The following ZNF622 variants were observed in gnomAD, a reference collection of about 807,000 sequenced individuals.
ZNF622 encodes zinc finger protein 622, also known as cytoplasmic 60S subunit biogenesis factor ZNF622.
Under a neutral mutation model 49.7 loss-of-function variants are expected in ZNF622, and 34 were observed. The ratio of observed to expected loss-of-function variants is 0.68; its 90% CI spans 0.52 to 0.91. The LOEUF (loss-of-function observed/expected upper bound fraction) is 0.91, where lower values mean the gene tolerates loss of function less well. Ranked by LOEUF, ZNF622 falls within the 40% of genes least tolerant of loss-of-function variation. The pLI is 0.00. For synonymous variants in ZNF622, 209 were observed against 228.7 expected, an observed-to-expected ratio of 0.91 and a Z score of 0.78; for missense variants, 569 against 616.4, an observed-to-expected ratio of 0.92 and a Z score of 0.81.
intron 3 of ZNF622, among the ~76,000 whole-genome samples, chr5:16,461,410 T>C (rs867969173): frequency 1.3e-5 from 2 of 152,226 alleles, no homozygotes; most frequent in South Asian, 4.1e-4. Context: ...GAATAGAACA[T>C]AGTGGGTAGT....
intron 5 of ZNF622, 77 bp downstream of exon 5, chr5:16,452,936 A>G (rs1453580533): frequency 1.5e-6 from 2 of 1,320,046 alleles, no homozygotes; most frequent in African/African-American, 3.0e-5. Context: ...GACAACATAA[A>G]TGGAAACAAC....
At chr5:16,452,944 A>G in intron 5 of ZNF622, 69 bp downstream of exon 5, 1 of 1,328,010 alleles carries the variant, frequency 7.5e-7, no homozygotes, top group South Asian at 2.7e-5. Context: ...AAATGGAAAC[A>G]ACTTTCCCCA....
Position 16,460,034 on chromosome 5 carries a change from G to C in ZNF622, c.1050-1405C>G, listed in dbSNP as rs141799514. Among the ~76,000 whole-genome samples the C allele has an allele frequency of 1.1e-3, 166 of 152,176 alleles. 1 individual carries two copies. Among genetic ancestry groups the C allele is most frequent in the African/African-American group, 3.8e-3 (159 of 41,506 alleles). ...GGTATCCATGGGGGATTGCTTCCAG[G>C]ACCTCCCTAGGATACTAAAATTTGC... On this transcript the variant is annotated intron_variant, in intron 3 of 5. Transcript: ENST00000308683.
chr5:16,459,978 A>C (rs1738097961), intron 3 of ZNF622, among the ~76,000 whole-genome samples: 1 of 152,188 alleles, frequency 6.6e-6, no homozygotes, highest in Non-Finnish European at 1.5e-5. Context: ...CACTACACTG[A>C]ATCATGATAT....
intron 4 of ZNF622, among the ~76,000 whole-genome samples, chr5:16,458,121 T>C (rs1005300460): frequency 3.3e-5 from 5 of 151,772 alleles, no homozygotes; most frequent in African/African-American, 4.8e-5. Flanking sequence ...CAAACTACCA[T>C]TTGGAAGTCT....
Position 16,458,610 on chromosome 5 carries a change from T to C in ZNF622, c.1069A>G (p.Lys357Glu). Residue 357 changes from lysine to glutamate, a missense_variant, in exon 4 of 6, where the codon AAG becomes GAG. Transcript: ENST00000308683. Reference sequence around the variant, plus strand: ...GCCTTATTGGGGTCCTCCCCTTCCTTGTGATCTGGATAGCTACTCCTATAA... The same window carrying C: ...GCCTTATTGGGGTCCTCCCCTTCCTCGTGATCTGGATAGCTACTCCTATAA... Reference protein sequence around the residue: ...YDFRSSYPDHKEGEDPNKAEE... With the variant: ...YDFRSSYPDHEEGEDPNKAEE... The C allele has an allele frequency of 6.2e-7, 1 of 1,612,988 alleles. No homozygotes were observed. Among genetic ancestry groups the C allele is most frequent in the Non-Finnish European group, 8.5e-7 (1 of 1,179,178 alleles).
At chr5:16,456,369 A>G (rs16868622) in intron 4 of ZNF622, among the ~76,000 whole-genome samples, 3,843 of 152,290 alleles carry the variant, frequency 0.025, 160 homozygotes, top group African/African-American at 0.088. Flanking sequence ...AGGAAACCCA[A>G]AAAAACCTTG....
In ZNF622 at chr5:16,465,233, T is replaced by TG; in HGVS notation, c.432dup (p.Lys145GlnfsTer31). 6.2e-7 allele frequency: 1 copy of TG among 1,614,198 alleles called. No individual in the cohort carries two copies. Among genetic ancestry groups the TG allele is most frequent in the Non-Finnish European group, 8.5e-7 (1 of 1,180,028 alleles). On this transcript the variant is annotated frameshift_variant, in exon 1 of 6. Transcript: ENST00000308683. LOFTEE classifies it high-confidence loss of function. The surrounding 1 kb of genome is among the most constrained non-coding windows in gnomAD (Gnocchi z 6.2). Reference sequence around the variant, plus strand: ...TTTGCAGGCGCTGGGGGCGCCTTCTTGGGAGACATGGACGGCTGGGCCTTG... The same window carrying TG: ...TTTGCAGGCGCTGGGGGCGCCTTCTTGGGGAGACATGGACGGCTGGGCCTTG...
chr5:16,464,632 C>A (rs961397162), intron 1 of ZNF622, among the ~76,000 whole-genome samples: 1 of 152,060 alleles, frequency 6.6e-6, no homozygotes, highest in Non-Finnish European at 1.5e-5. Flanking sequence ...GGTTTTGATC[C>A]CCTCATTCTG....
At chr5:16,462,350 A>G (rs902080779) in intron 3 of ZNF622, among the ~76,000 whole-genome samples, 1 of 152,196 alleles carries the variant, frequency 6.6e-6, no homozygotes, top group Non-Finnish European at 1.5e-5. Context: ...TTGCTAAATG[A>G]CATACAAAAA....
In ZNF622 at chr5:16,461,204, A is replaced by C. The variant is rs540894556; in HGVS notation, c.1049+1904T>G. On this transcript the variant is annotated intron_variant, in intron 3 of 5. Coordinates refer to ENST00000308683, the MANE Select transcript of ZNF622 (RefSeq NM_033414.3). ...TCTTGAGAAACACACTTGATGCATT[A>C]GAGGAATAGTTAGGAATCCAGAGAG... 1.3e-4 allele frequency among the ~76,000 whole-genome samples: 20 copies of C among 152,384 alleles called. No homozygotes were observed. In the East Asian group the frequency reaches 3.7e-3, roughly 28 times the overall value.
At chr5:16,460,523 T>C (rs72742297) in intron 3 of ZNF622, among the ~76,000 whole-genome samples, 1,854 of 152,238 alleles carry the variant, frequency 0.012, 14 homozygotes, top group Non-Finnish European at 0.019. Context: ...TGTAAAGGCT[T>C]TCTATTTTCC....
At chr5:16,456,191 T>G (rs529276088) in intron 4 of ZNF622, among the ~76,000 whole-genome samples, 1 of 152,230 alleles carries the variant, frequency 6.6e-6, no homozygotes, top group South Asian at 2.1e-4. Context: ...TTGTGACTCT[T>G]GACTTCCTGG....
At position 16,463,964 on chromosome 5, in the gene ZNF622, G is replaced by T. The variant is rs1397107098; in HGVS notation, c.626-222C>A. ...TTAGTCTTTCTTTTCCAGGAAACAGGAATCTTTTCTTTGTTTCTTTCCTAT... is the reference window on the plus strand; with the variant it reads ...TTAGTCTTTCTTTTCCAGGAAACAGTAATCTTTTCTTTGTTTCTTTCCTAT... On this transcript the variant is annotated intron_variant, in intron 1 of 5. Coordinates refer to ENST00000308683, the MANE Select transcript of ZNF622 (RefSeq NM_033414.3). This position sits in a 1 kb window ranked among gnomAD's most constrained non-coding sequence, Gnocchi z 4.2. Among the ~76,000 whole-genome samples, 1 of 152,150 alleles carries T rather than the reference G, an allele frequency of 6.6e-6. No individual in the cohort carries two copies. Among genetic ancestry groups the T allele is most frequent in the Non-Finnish European group, 1.5e-5 (1 of 68,020 alleles).
At chr5:16,464,438 A>AT (rs1421232292) in intron 1 of ZNF622, among the ~76,000 whole-genome samples, 2 of 152,210 alleles carry the variant, frequency 1.3e-5, no homozygotes, top group Non-Finnish European at 2.9e-5. Flanking sequence ...GGGAAAATAC[A>AT]TTTATGTTGT....
At position 16,465,428 on chromosome 5, in the gene ZNF622, T is replaced by G; in HGVS notation, c.238A>C (p.Asn80His). Residue 80 changes from asparagine to histidine, a missense_variant, in exon 1 of 6, where the codon AAC (asparagine) becomes CAC (histidine). By Grantham distance (68) the Asn-to-His change is moderately conservative (BLOSUM62 1). Coordinates refer to ENST00000308683, the MANE Select transcript of ZNF622 (RefSeq NM_033414.3). The surrounding 1 kb of genome is among the most constrained non-coding windows in gnomAD (Gnocchi z 6.2). Reference sequence around the variant, plus strand: ...GACTTGAGGTGGTTCTCGTAGGCGTTGAAAGAGGCAAACTTCTTACTGCAA... The same window carrying G: ...GACTTGAGGTGGTTCTCGTAGGCGTGGAAAGAGGCAAACTTCTTACTGCAA... ...TVCSKKFASF[N>H]AYENHLKSRR... is the part of the protein sequence containing the mutation. 1 of 1,614,250 alleles carries G rather than the reference T, an allele frequency of 6.2e-7. No homozygotes were observed. The highest frequency in any genetic ancestry group is 8.5e-7 in the Non-Finnish European group (1 of 1,180,038).
intron 3 of ZNF622, among the ~76,000 whole-genome samples, chr5:16,460,595 G>T (rs1008088584): frequency 1.3e-5 from 2 of 151,584 alleles, no homozygotes; most frequent in African/African-American, 4.9e-5. Context: ...CTAGAGACAG[G>T]GTCTCACTGT....
rs1049783747 is a variant in ZNF622, at chr5:16,453,749, T to C, written c.1163-593A>G. On this transcript the variant is annotated intron_variant, in intron 4 of 5. Coordinates refer to ENST00000308683, the MANE Select transcript of ZNF622 (RefSeq NM_033414.3). ...TGGGGATTTTATCCAGCAAGGGACA[T>C]TGGGCACTGACTGAACACATTTTTG... 7.2e-5 allele frequency among the ~76,000 whole-genome samples: 11 copies of C among 151,970 alleles called. No homozygotes were observed. In the South Asian group the frequency reaches 8.3e-4, roughly 11 times the overall value.
chr5:16,453,127 T>G lies in ZNF622; in HGVS notation c.1192A>C (p.Arg398=), dbSNP rs747576265. 2 of 1,556,080 alleles carry G rather than the reference T, an allele frequency of 1.3e-6. No homozygotes were observed. Among genetic ancestry groups the G allele is most frequent in the Non-Finnish European group, 1.7e-6 (2 of 1,146,710 alleles). The change falls in exon 5 of 6, where the codon AGA becomes CGA. Residue 398 remains arginine, a synonymous_variant. Transcript: ENST00000308683. ...AAGCCAAATCGCTGTTTGTAGTATC[T>G]CATCAAGGAGCGATGACCCACTCTG... ...GARVGHRSLM[R]YYKQRFGLSR... is the part of the protein sequence containing the mutation.
Sources: allele counts gnomAD v4.1 joint callset (sites outside exome capture counted in the v4.1 genomes callset), GRCh38; gene constraint gnomAD v4.1.1; non-coding constraint Gnocchi (gnomAD v3.1); transcripts MANE v1.5; gene names NCBI Gene and HGNC (gene_info 2026-07-23, HGNC 2026-07-21).